RARB: variants seen among roughly 807,000 people sequenced by gnomAD.
RARB encodes the protein HBV-activated protein.
RARB carries 17 observed loss-of-function variants against 51.9 expected under a neutral mutation model. The observed-to-expected ratio is 0.33, with a 90% CI of 0.22 to 0.49. The LOEUF is 0.49. Ranked by LOEUF, RARB falls within the 20% of genes least tolerant of loss-of-function variation. The pLI is 0.99. For missense variants in RARB, 369 were observed against 550.8 expected, an observed-to-expected ratio of 0.67 and a Z score of 3.30; for synonymous variants, 215 against 195.4, an observed-to-expected ratio of 1.10 and a Z score of -0.84.
At chr3:25,037,523 A>G (rs1284714896) in intron 2 of RARB, among the ~76,000 whole-genome samples, 1 of 152,136 alleles carries the variant, frequency 6.6e-6, no homozygotes, top group African/African-American at 2.4e-5. Flanking sequence ...TAAGGAGGTG[A>G]ATGGATTGAC....
intron 2 of RARB, among the ~76,000 whole-genome samples, chr3:24,940,117 T>G (rs1187399220): frequency 6.6e-6 from 1 of 152,240 alleles, no homozygotes. Flanking sequence ...AAAAGAAATG[T>G]CATTGTTGGC....
chr3:25,366,774 A>G (rs151308209), intron 5 of RARB, among the ~76,000 whole-genome samples: 23 of 152,294 alleles, frequency 1.5e-4, no homozygotes, highest in African/African-American at 5.1e-4. Flanking sequence ...GAGTGAATGC[A>G]TTCTTTGGAT....
At chr3:25,223,503 T>G (rs1190595482) in intron 5 of RARB, among the ~76,000 whole-genome samples, 1 of 152,220 alleles carries the variant, frequency 6.6e-6, no homozygotes, top group Non-Finnish European at 1.5e-5. Flanking sequence ...TTTAATACTT[T>G]ACAATGACAA....
At chr3:25,254,156 C>G (rs1245411519) in intron 5 of RARB, among the ~76,000 whole-genome samples, 1 of 152,268 alleles carries the variant, frequency 6.6e-6, no homozygotes, top group African/African-American at 2.4e-5. Context: ...GACATAACTT[C>G]ATGAGACATG....
intron 5 of RARB, among the ~76,000 whole-genome samples, chr3:25,232,349 G>C (rs548219860): frequency 6.6e-6 from 1 of 152,042 alleles, no homozygotes; most frequent in African/African-American, 2.4e-5. Context: ...CAGCTTGTTG[G>C]CATTTACAAC....
intron 2 of RARB, among the ~76,000 whole-genome samples, chr3:25,027,278 G>A (rs1697768650): frequency 6.6e-6 from 1 of 152,128 alleles, no homozygotes; most frequent in Admixed American, 6.5e-5. Context: ...TGATGGGGCA[G>A]CAAATTAGGC....
At chr3:25,464,172 G>A (rs1316915963) in intron 2 of RARB, among the ~76,000 whole-genome samples, 2 of 152,026 alleles carry the variant, frequency 1.3e-5, no homozygotes, top group African/African-American at 4.8e-5. Context: ...ATCTGAGTGA[G>A]GTATGCTGTA....
At chr3:25,249,292 T>C (rs954726068) in intron 5 of RARB, among the ~76,000 whole-genome samples, 4 of 152,152 alleles carry the variant, frequency 2.6e-5, no homozygotes, top group African/African-American at 9.6e-5. Context: ...TTCTTTATTA[T>C]GATATCTGTC....
chr3:25,503,103 C>T (rs1360486498), intron 3 of RARB, among the ~76,000 whole-genome samples: 1 of 102,362 alleles, frequency 9.8e-6, no homozygotes, highest in Non-Finnish European at 1.7e-5. Context: ...TCATGGGTCA[C>T]TTTTCATCCA....
intron 3 of RARB, among the ~76,000 whole-genome samples, chr3:25,077,730 G>A (rs1024961238): frequency 1.3e-5 from 2 of 151,492 alleles, no homozygotes; most frequent in African/African-American, 4.8e-5. Context: ...ATGTGTGTAT[G>A]TATATATATA....
At chr3:24,956,253 A>C (rs763175543) in intron 2 of RARB, among the ~76,000 whole-genome samples, 1 of 152,192 alleles carries the variant, frequency 6.6e-6, no homozygotes, top group Non-Finnish European at 1.5e-5. Context: ...GGGACAATGA[A>C]GATAATAATC....
At chr3:25,247,259 T>C (rs970355300) in intron 5 of RARB, among the ~76,000 whole-genome samples, 3 of 152,236 alleles carry the variant, frequency 2.0e-5, no homozygotes, top group Admixed American at 1.3e-4. Context: ...TGCTGGGCTC[T>C]GTGGGACTGG....
intron 2 of RARB, among the ~76,000 whole-genome samples, chr3:24,982,982 T>C (rs1696709422): frequency 6.6e-6 from 1 of 152,250 alleles, no homozygotes; most frequent in Admixed American, 6.5e-5. Flanking sequence ...TGTAACTCCT[T>C]TTCATATATA....
chr3:25,540,497 C>T lies in RARB; in HGVS notation c.449-29261C>T, dbSNP rs138681715. ...CACTTTGTTATTTTTAACTTCCGCCCTCATCCTCCTCCCCTTTTAGAATCA... is the reference window on the plus strand; with the variant it reads ...CACTTTGTTATTTTTAACTTCCGCCTTCATCCTCCTCCCCTTTTAGAATCA... On this transcript the variant is annotated intron_variant, in intron 3 of 7. Coordinates refer to ENST00000330688, the MANE Select transcript of RARB (RefSeq NM_000965.5). Among the ~76,000 whole-genome samples, 862 of 152,316 alleles carry T rather than the reference C, an allele frequency of 5.7e-3. 6 individuals are homozygous for T. The highest frequency in any genetic ancestry group is 0.02 in the African/African-American group (822 of 41,584).
At chr3:25,430,283 C>CA (rs1158457224) in intron 1 of RARB, among the ~76,000 whole-genome samples, 8 of 152,174 alleles carry the variant, frequency 5.3e-5, no homozygotes, top group African/African-American at 1.9e-4. Flanking sequence ...CTGGAGAACT[C>CA]AAAGAAACTG....
intron 5 of RARB, among the ~76,000 whole-genome samples, chr3:25,386,466 G>GTTTGTT (rs1410060334): frequency 9.9e-5 from 15 of 152,280 alleles, no homozygotes; most frequent in African/African-American, 3.1e-4. Flanking sequence ...TTTTAGAAAG[G>GTTTGTT]TTTGTTTTTG....
chr3:25,534,558 G>A (rs1699059469), intron 3 of RARB, among the ~76,000 whole-genome samples: 1 of 152,134 alleles, frequency 6.6e-6, no homozygotes, highest in Admixed American at 6.5e-5. Context: ...GGGTGTAACA[G>A]GTTCCCTTAT....
chr3:25,072,198 T>G (rs1698780847), intron 3 of RARB, among the ~76,000 whole-genome samples: 1 of 152,170 alleles, frequency 6.6e-6, no homozygotes, highest in Admixed American at 6.5e-5. Flanking sequence ...TGTGTTTAAT[T>G]TAAAAATTAG....
intron 5 of RARB, among the ~76,000 whole-genome samples, chr3:25,387,822 C>A (rs1476547469): frequency 6.6e-6 from 1 of 151,804 alleles, no homozygotes; most frequent in Non-Finnish European, 1.5e-5. Flanking sequence ...TAATCACTTA[C>A]CAAAAATGAT....
Sources: allele counts gnomAD v4.1 joint callset (sites outside exome capture counted in the v4.1 genomes callset), GRCh38; gene constraint gnomAD v4.1.1; transcripts MANE v1.5; gene names NCBI Gene and HGNC (gene_info 2026-07-23, HGNC 2026-07-21).